Variants in ATXN10 observed in about 807,000 individuals in gnomAD.
The protein encoded by ATXN10 is ataxin 10.
Under a neutral mutation model 52.9 loss-of-function variants are expected in ATXN10, and 28 were observed. That is an observed-to-expected ratio of 0.53 (90% CI 0.39 to 0.73). ATXN10 has a LOEUF of 0.73. Ranked by LOEUF, ATXN10 falls within the 30% of genes least tolerant of loss-of-function variation. ATXN10 has a pLI of 0.00. For synonymous variants in ATXN10, 226 were observed against 221.5 expected (o/e 1.02, Z -0.18); for missense variants, 565 against 577.0 (o/e 0.98, Z 0.21).
At chr22:45,746,984 C>T (rs905303413) in intron 9 of ATXN10, among the ~76,000 whole-genome samples, 1 of 152,200 alleles carries the variant, frequency 6.6e-6, no homozygotes. Context: ...GGGTATCACT[C>T]AATTTTACTG....
In ATXN10 at chr22:45,708,890, C is replaced by T. The variant is rs189785837; in HGVS notation, c.647+6043C>T. 6.6e-6 allele frequency among the ~76,000 whole-genome samples: 1 copy of T among 152,344 alleles called. No homozygotes were observed. The highest frequency in any genetic ancestry group is 2.4e-5 in the African/African-American group (1 of 41,580). ...TCCTGACCTCAGGTGATCTCCCCGC[C>T]TGTCTCCCAAAGTGCTGGGATTACA... On this transcript the variant is annotated intron_variant, in intron 5 of 11. Coordinates refer to ENST00000252934, the MANE Select transcript of ATXN10 (RefSeq NM_013236.4). This position sits in a 1 kb window ranked among gnomAD's most constrained non-coding sequence, Gnocchi z 5.3.
In ATXN10 at chr22:45,823,356, A is replaced by G. The variant is rs1928716079; in HGVS notation, c.1237+16334A>G. ...GTCATAAAAGTATGCTAAAGGCTTT[A>G]CAGTTTTGCCTTCTATCTGGATTTG... On this transcript the variant is annotated intron_variant, in intron 10 of 11. Transcript: ENST00000252934. This position sits in a 1 kb window ranked among gnomAD's most constrained non-coding sequence, Gnocchi z 4.9. 2.1e-5 allele frequency: 7 copies of G among 329,974 alleles called. No individual in the cohort carries two copies. Among genetic ancestry groups the G allele is most frequent in the South Asian group, 1.7e-4 (7 of 40,512 alleles). 20.4% of individuals were successfully genotyped at this position (329,974 alleles called of 1,614,324 possible). A position where few individuals can be genotyped will look rare whatever the true frequency, so the allele number is the denominator to read the frequency against.
At chr22:45,707,990 T>C (rs916962189) in intron 5 of ATXN10, among the ~76,000 whole-genome samples, 2 of 152,236 alleles carry the variant, frequency 1.3e-5, no homozygotes, top group African/African-American at 4.8e-5. Context: ...TTAGAATTCA[T>C]GGTTTCATTA....
Position 45,787,927 on chromosome 22 carries a change from G to A in ATXN10, c.1174-19032G>A, listed in dbSNP as rs1049143655. On this transcript the variant is annotated intron_variant, in intron 9 of 11. Coordinates refer to ENST00000252934, the MANE Select transcript of ATXN10 (RefSeq NM_013236.4). The surrounding 1 kb of genome is among the most constrained non-coding windows in gnomAD (Gnocchi z 4.2). ...TTACAAATTAATCTATCAGGAATGA[G>A]TGTTTACATTTGCCTACAATATTTA... 2.0e-5 allele frequency among the ~76,000 whole-genome samples: 3 copies of A among 152,198 alleles called. No individual in the cohort carries two copies. The highest frequency in any genetic ancestry group is 2.9e-5 in the Non-Finnish European group (2 of 68,032).
chr22:45,791,011 C>A (rs1400181787), intron 9 of ATXN10, among the ~76,000 whole-genome samples: 1 of 152,146 alleles, frequency 6.6e-6, no homozygotes, highest in Non-Finnish European at 1.5e-5. Context: ...CACACTGTCA[C>A]ACCCAGCTAA....
intron 4 of ATXN10, among the ~76,000 whole-genome samples, chr22:45,702,028 G>C (rs144966498): frequency 1.3e-5 from 2 of 152,212 alleles, no homozygotes; most frequent in Admixed American, 1.3e-4. Context: ...TTGAATTCCA[G>C]TTTTGTCAGG....
intron 9 of ATXN10, among the ~76,000 whole-genome samples, chr22:45,761,104 G>A (rs967431719): frequency 6.6e-6 from 1 of 152,230 alleles, no homozygotes; most frequent in African/African-American, 2.4e-5. Context: ...ATGTTTTCAA[G>A]GGTGACCTCA....
Position 45,843,547 on chromosome 22 carries a change from T to A in ATXN10, c.1426-122T>A, listed in dbSNP as rs572717449. On this transcript the variant is annotated intron_variant, in intron 11 of 11. Coordinates refer to ENST00000252934, the MANE Select transcript of ATXN10 (RefSeq NM_013236.4). The surrounding 1 kb of genome is among the most constrained non-coding windows in gnomAD (Gnocchi z 4.5). ...CTTGAATAATATTGCATGAATTGTT[T>A]TAGGTTTCTCTAAGTTATTTGTCAC... 2.3e-6 allele frequency: 2 copies of A among 864,202 alleles called. No homozygotes were observed. The highest frequency in any genetic ancestry group is 5.2e-5 in the East Asian group (2 of 38,716). The allele number at this position is 864,202 out of a possible 1,614,324, so 53.5% of individuals were successfully genotyped here. A position where few individuals can be genotyped will look rare whatever the true frequency, so the allele number is the denominator to read the frequency against.
chr22:45,711,528 G>C (rs1924250418), intron 5 of ATXN10, among the ~76,000 whole-genome samples: 1 of 152,078 alleles, frequency 6.6e-6, no homozygotes, highest in Non-Finnish European at 1.5e-5. Context: ...AAGTTAACCT[G>C]GGAAACCTGA....
At position 45,789,714 on chromosome 22, in the gene ATXN10, G is replaced by A. The variant is rs1569065284; in HGVS notation, c.1174-17245G>A. On this transcript the variant is annotated intron_variant, in intron 9 of 11. Transcript: ENST00000252934. This position sits in a 1 kb window ranked among gnomAD's most constrained non-coding sequence, Gnocchi z 4.0. The stretch of plus-strand genomic sequence containing the variant: ...CACTGATGTGTTGGGCTTTAGCTTT[G>A]GCCGTTAGGGATGTAGGAGTGTGTC... Among the ~76,000 whole-genome samples, 1 of 152,198 alleles carries A rather than the reference G, an allele frequency of 6.6e-6. No individual in the cohort carries two copies.
chr22:45,700,831 G>A (rs1923814629), intron 4 of ATXN10, among the ~76,000 whole-genome samples: 2 of 152,166 alleles, frequency 1.3e-5, no homozygotes, highest in South Asian at 4.1e-4. Flanking sequence ...AATGCTGTAT[G>A]TTTTGGAAGA....
At chr22:45,676,463 C>G (rs1269736429) in intron 1 of ATXN10, 2 of 150,826 alleles carry the variant, frequency 1.3e-5, no homozygotes. Flanking sequence ...TCCTTAGTTG[C>G]ATTAGCCATA....
At position 45,835,738 on chromosome 22, in the gene ATXN10, G is replaced by C. The variant is rs1466243414; in HGVS notation, c.1238-7253G>C. On this transcript the variant is annotated intron_variant, in intron 10 of 11. Coordinates refer to ENST00000252934, the MANE Select transcript of ATXN10 (RefSeq NM_013236.4). The surrounding 1 kb of genome is among the most constrained non-coding windows in gnomAD (Gnocchi z 5.0). Reference sequence around the variant, plus strand: ...TTTTCCCTCCGGAAAGACTGAAACTGCTCTTTCTTATAGTGTGTATTAAAT... The same window carrying C: ...TTTTCCCTCCGGAAAGACTGAAACTCCTCTTTCTTATAGTGTGTATTAAAT... 1.3e-5 allele frequency among the ~76,000 whole-genome samples: 2 copies of C among 152,184 alleles called. No homozygotes were observed. The highest frequency in any genetic ancestry group is 2.9e-5 in the Non-Finnish European group (2 of 68,042).
rs1926715390 is a variant in ATXN10 at position 45,769,841 on chromosome 22, A to AAG, written c.1173+29306_1173+29307dup. Among the ~76,000 whole-genome samples, 1 of 152,208 alleles carries AAG rather than the reference A, an allele frequency of 6.6e-6. No homozygotes were observed. Among genetic ancestry groups the AAG allele is most frequent in the South Asian group, 2.1e-4 (1 of 4,826 alleles). ...GAGTGTGATCTGAACAAAAACTCTT[A>AAG]AGAGTGTCAGGAAGTTAAAAAATAT... On this transcript the variant is annotated intron_variant, in intron 9 of 11. Transcript: ENST00000252934. This position sits in a 1 kb window ranked among gnomAD's most constrained non-coding sequence, Gnocchi z 4.2.
At chr22:45,749,722 C>T (rs1008371347) in intron 9 of ATXN10, among the ~76,000 whole-genome samples, 2 of 151,876 alleles carry the variant, frequency 1.3e-5, no homozygotes, top group African/African-American at 4.8e-5. Context: ...CCACCATGCC[C>T]GACTACTAAA....
chr22:45,771,402 C>T (rs571961560), intron 9 of ATXN10, among the ~76,000 whole-genome samples: 5 of 148,388 alleles, frequency 3.4e-5, no homozygotes, highest in South Asian at 2.1e-4. Flanking sequence ...TTTAATTTGC[C>T]ATGCTTGAGT....
rs1359179461 is a variant in ATXN10, at chr22:45,718,464, C to A, written c.699C>A (p.Ala233=). 5 of 1,613,758 alleles carry A rather than the reference C, an allele frequency of 3.1e-6. No homozygotes were observed. The highest frequency in any genetic ancestry group is 4.2e-6 in the Non-Finnish European group (5 of 1,179,720). The change falls in exon 6 of 12, where the codon GCC becomes GCA. Residue 233 remains alanine, a synonymous_variant. Coordinates refer to ENST00000252934, the MANE Select transcript of ATXN10 (RefSeq NM_013236.4). The surrounding 1 kb of genome is among the most constrained non-coding windows in gnomAD (Gnocchi z 4.4). ...TGAAAAGCCCGGAATTGGTACAAGC[C>A]ATGTTTCCCAAACTGAACAATCAAG... The part of the protein sequence containing the change: ...LFLKSPELVQ[A]MFPKLNNQER...
At chr22:45,734,768 G>T (rs1925225328) in intron 7 of ATXN10, among the ~76,000 whole-genome samples, 1 of 151,392 alleles carries the variant, frequency 6.6e-6, no homozygotes, top group South Asian at 2.1e-4. Flanking sequence ...CTTTTGGTGT[G>T]AGACTGACTG....
intron 5 of ATXN10, among the ~76,000 whole-genome samples, chr22:45,709,009 G>A (rs556504202): frequency 6.6e-6 from 1 of 152,248 alleles, no homozygotes; most frequent in South Asian, 2.1e-4. Context: ...TGGGAGCAAA[G>A]CATTCTTTTT....
Sources: allele counts gnomAD v4.1 joint callset (sites outside exome capture counted in the v4.1 genomes callset), GRCh38; gene constraint gnomAD v4.1.1; non-coding constraint Gnocchi (gnomAD v3.1); transcripts MANE v1.5; gene names NCBI Gene and HGNC (gene_info 2026-07-23, HGNC 2026-07-21).